The following CADM2 variants were observed in gnomAD, a reference collection of about 807,000 sequenced individuals.
CADM2 encodes cell adhesion molecule 2.
In CADM2, 12 loss-of-function variants were observed where a neutral mutation model predicts 49.8. That is an observed-to-expected ratio of 0.24 (90% CI 0.15 to 0.39). CADM2 has a LOEUF of 0.39. Among genes scored for constraint, CADM2 ranks in the 10% least tolerant of loss-of-function variants. The probability of loss-of-function intolerance (pLI) is 1.00; values close to 1 mark genes in which losing one functional copy is unlikely to be tolerated. For missense variants in CADM2, 378 were observed against 492.3 expected (o/e 0.77, Z 2.20); for synonymous variants, 214 against 175.4 (o/e 1.22, Z -1.74).
Position 85,667,389 on chromosome 3 carries a change from TAA to T in CADM2, c.62-59132_62-59131del, listed in dbSNP as rs566826597. Among the ~76,000 whole-genome samples, 1,028 of 152,218 alleles carry T rather than the reference TAA, an allele frequency of 6.8e-3. 11 individuals are homozygous for T. Among genetic ancestry groups the T allele is most frequent in the African/African-American group, 0.024 (989 of 41,566 alleles). ...ATATTTTAGATTCTTTTTCCAGTAT[TAA>T]GACTTAAAGTCCAGTATGTATTTTC... On this transcript the variant is annotated intron_variant, in intron 1 of 9. Transcript: ENST00000383699.
chr3:85,432,525 A>G (rs546846784), intron 1 of CADM2, among the ~76,000 whole-genome samples: 1 of 152,234 alleles, frequency 6.6e-6, no homozygotes, highest in South Asian at 2.1e-4. Context: ...CTGAAAGGCT[A>G]TGATAATCAT....
At chr3:85,339,432 A>G (rs1052078049) in intron 1 of CADM2, among the ~76,000 whole-genome samples, 2 of 151,574 alleles carry the variant, frequency 1.3e-5, no homozygotes, top group Admixed American at 6.6e-5. Flanking sequence ...TCTCTAGTTT[A>G]TAGAATCATT....
At chr3:85,333,831 T>C (rs1048346464) in intron 1 of CADM2, among the ~76,000 whole-genome samples, 3 of 151,692 alleles carry the variant, frequency 2.0e-5, no homozygotes, top group Non-Finnish European at 4.4e-5. Context: ...GAGATAGTAA[T>C]GTGTGACAAA....
intron 5 of CADM2, among the ~76,000 whole-genome samples, chr3:85,898,214 G>A (rs1715531625): frequency 6.6e-6 from 1 of 152,048 alleles, no homozygotes; most frequent in African/African-American, 2.4e-5. Flanking sequence ...ATGAGTGGTT[G>A]AGTTGAAAGA....
chr3:85,097,542 A>G (rs1472470252), intron 1 of CADM2, among the ~76,000 whole-genome samples: 1 of 152,182 alleles, frequency 6.6e-6, no homozygotes, highest in African/African-American at 2.4e-5. Context: ...GTCAAATGGT[A>G]TTTCTAGTTC....
intron 1 of CADM2, among the ~76,000 whole-genome samples, chr3:85,456,181 T>C (rs1324020757): frequency 6.6e-6 from 1 of 152,070 alleles, no homozygotes. Context: ...AAAGTCAGAG[T>C]TGTCTGGTAT....
intron 2 of CADM2, among the ~76,000 whole-genome samples, chr3:85,772,214 A>C (rs1187287903): frequency 6.6e-6 from 1 of 151,876 alleles, no homozygotes; most frequent in African/African-American, 2.4e-5. Context: ...ACTCACATGC[A>C]TCCAACTGGA....
At chr3:85,555,701 G>A (rs1328726618) in intron 1 of CADM2, among the ~76,000 whole-genome samples, 1 of 151,828 alleles carries the variant, frequency 6.6e-6, no homozygotes, top group Non-Finnish European at 1.5e-5. Flanking sequence ...ATTAAATACA[G>A]CTTTAGGTTG....
intron 1 of CADM2, among the ~76,000 whole-genome samples, chr3:85,430,854 A>G (rs1450563138): frequency 6.6e-6 from 1 of 152,178 alleles, no homozygotes; most frequent in Non-Finnish European, 1.5e-5. Context: ...GAAGGTAAAC[A>G]GTATTTTTAA....
intron 1 of CADM2, among the ~76,000 whole-genome samples, chr3:85,096,473 T>G (rs930636307): frequency 1.3e-5 from 2 of 152,150 alleles, no homozygotes; most frequent in African/African-American, 4.8e-5. Context: ...TAGATCTTAT[T>G]AAATATGTCT....
intron 1 of CADM2, among the ~76,000 whole-genome samples, chr3:85,039,756 A>G (rs1357134292): frequency 6.6e-6 from 1 of 152,190 alleles, no homozygotes; most frequent in African/African-American, 2.4e-5. Flanking sequence ...TAAATACTGA[A>G]AGATAAATCA....
chr3:85,530,025 T>C (rs1008240735), intron 1 of CADM2, among the ~76,000 whole-genome samples: 3 of 152,066 alleles, frequency 2.0e-5, no homozygotes, highest in African/African-American at 7.2e-5. Context: ...TCAAATTTCA[T>C]CTTGAATTGT....
intron 8 of CADM2, among the ~76,000 whole-genome samples, chr3:85,999,275 G>GGGC (rs1729843200): frequency 2.0e-5 from 3 of 151,280 alleles, no homozygotes; most frequent in African/African-American, 7.3e-5. Flanking sequence ...GAGGGTTGGG[G>GGGC]GGTGGATCAC....
chr3:85,210,665 G>A (rs951114567), intron 1 of CADM2, among the ~76,000 whole-genome samples: 9 of 151,928 alleles, frequency 5.9e-5, no homozygotes, highest in East Asian at 3.9e-4. Flanking sequence ...CCTGAGCCTC[G>A]GAGTAGCTGG....
chr3:85,784,620 G>A (rs1263119795), intron 2 of CADM2, among the ~76,000 whole-genome samples: 3 of 151,978 alleles, frequency 2.0e-5, no homozygotes, highest in South Asian at 2.1e-4. Flanking sequence ...TATGAGACTA[G>A]CACATTGAAA....
At chr3:85,552,608 C>T (rs2061840225) in intron 1 of CADM2, among the ~76,000 whole-genome samples, 1 of 151,840 alleles carries the variant, frequency 6.6e-6, no homozygotes, top group African/African-American at 2.4e-5. Flanking sequence ...TCTTGATCTC[C>T]TGACCTTGTG....
At chr3:85,478,256 A>G (rs937587533) in intron 1 of CADM2, among the ~76,000 whole-genome samples, 1 of 151,994 alleles carries the variant, frequency 6.6e-6, no homozygotes, top group South Asian at 2.1e-4. Flanking sequence ...TAAATGCAAA[A>G]TATTTGTAAT....
At chr3:85,993,345 T>A (rs940987922) in intron 8 of CADM2, 7 of 152,230 alleles carry the variant, frequency 4.6e-5, no homozygotes, top group African/African-American at 1.4e-4. Flanking sequence ...CTCACATCTT[T>A]AGGCTCTACT....
intron 1 of CADM2, among the ~76,000 whole-genome samples, chr3:85,424,951 A>T (rs1421167496): frequency 6.6e-6 from 1 of 152,162 alleles, no homozygotes; most frequent in Non-Finnish European, 1.5e-5. Context: ...ATATTGATTC[A>T]CTTAGGACTC....
Sources: allele counts gnomAD v4.1 joint callset (sites outside exome capture counted in the v4.1 genomes callset), GRCh38; gene constraint gnomAD v4.1.1; transcripts MANE v1.5; gene names NCBI Gene and HGNC (gene_info 2026-07-23, HGNC 2026-07-21).